Variants in CDK5RAP2 observed in about 807,000 individuals in gnomAD.
The protein encoded by CDK5RAP2 is CDK5 regulatory subunit associated protein 2.
CDK5RAP2 carries 147 observed loss-of-function variants against 232.9 expected under a neutral mutation model. That is an observed-to-expected ratio of 0.63 (90% CI 0.55 to 0.72). CDK5RAP2 has a LOEUF of 0.72. Among genes scored for constraint, CDK5RAP2 ranks in the 30% least tolerant of loss-of-function variants. CDK5RAP2 has a pLI of 0.00. For synonymous variants in CDK5RAP2, 833 were observed against 833.7 expected (o/e 1.00, Z 0.01); for missense variants, 2,195 against 2,231.5 (o/e 0.98, Z 0.33).
chr9:120,456,887 G>A (rs1322906238), intron 20 of CDK5RAP2, among the ~76,000 whole-genome samples: 2 of 152,196 alleles, frequency 1.3e-5, no homozygotes, highest in African/African-American at 2.4e-5. Flanking sequence ...AATACTTCAA[G>A]TGTTATTTTG....
chr9:120,457,790 G>T lies in CDK5RAP2; in HGVS notation c.2375+660C>A, dbSNP rs148735374. On this transcript the variant is annotated intron_variant, in intron 20 of 37. Transcript: ENST00000349780. ...CAAATGCCAGCCATTTTTCTTAAACGTTTTTTTCTTATTCATCACAGCAAC... is the reference window on the plus strand; with the variant it reads ...CAAATGCCAGCCATTTTTCTTAAACTTTTTTTTCTTATTCATCACAGCAAC... 2.5e-4 allele frequency among the ~76,000 whole-genome samples: 38 copies of T among 152,124 alleles called. No individual in the cohort carries two copies. In the East Asian group the frequency reaches 6.6e-3, roughly 26 times the overall value.
intron 36 of CDK5RAP2, among the ~76,000 whole-genome samples, chr9:120,391,787 G>C (rs936453156): frequency 2.6e-5 from 4 of 152,238 alleles, no homozygotes; most frequent in Non-Finnish European, 2.9e-5. Flanking sequence ...CGGAGGAAGA[G>C]GAGGTGCTAT....
In CDK5RAP2 at chr9:120,487,290, T is replaced by C. The variant is rs777782361; in HGVS notation, c.1626+4A>G. On this transcript the variant is annotated splice_donor_region_variant and intron_variant, in intron 14 of 37. Transcript: ENST00000349780. ...TGTGAATGTCCAATTTCAGTCAAGC[T>C]TACCTTAGAGAAGATGGTTTTGCTG... is the stretch of plus-strand genomic sequence containing the variant. 6.2e-7 allele frequency: 1 copy of C among 1,614,094 alleles called. No individual in the cohort carries two copies. The highest frequency in any genetic ancestry group is 1.7e-5 in the Admixed American group (1 of 60,032).
At chr9:120,483,253 C>T (rs2131594908) in intron 14 of CDK5RAP2, among the ~76,000 whole-genome samples, 1 of 152,356 alleles carries the variant, frequency 6.6e-6, no homozygotes. Context: ...TGAGAACTGT[C>T]CCTAAAACAC....
chr9:120,533,353 T>A (rs1588590307), intron 7 of CDK5RAP2, among the ~76,000 whole-genome samples: 1 of 152,068 alleles, frequency 6.6e-6, no homozygotes, highest in Non-Finnish European at 1.5e-5. Flanking sequence ...CATCCTAGAC[T>A]CTACTCACTG....
chr9:120,560,945 T>G (rs1429931929), intron 3 of CDK5RAP2, among the ~76,000 whole-genome samples: 1 of 151,798 alleles, frequency 6.6e-6, no homozygotes, highest in Non-Finnish European at 1.5e-5. Flanking sequence ...TAATGGTATG[T>G]GTATACACAC....
intron 36 of CDK5RAP2, among the ~76,000 whole-genome samples, chr9:120,390,887 A>G (rs2031892755): frequency 6.6e-6 from 1 of 152,052 alleles, no homozygotes; most frequent in Non-Finnish European, 1.5e-5. Context: ...GAGGTAATGG[A>G]GTTTATTTGC....
At chr9:120,431,152 A>T (rs1408564718) in intron 25 of CDK5RAP2, among the ~76,000 whole-genome samples, 1 of 152,156 alleles carries the variant, frequency 6.6e-6, no homozygotes, top group Non-Finnish European at 1.5e-5. Context: ...TAGGAGATAC[A>T]CCTAATGCTA....
chr9:120,475,436 A>G (rs2131553136), intron 15 of CDK5RAP2, among the ~76,000 whole-genome samples: 1 of 152,264 alleles, frequency 6.6e-6, no homozygotes, highest in African/African-American at 2.4e-5. Flanking sequence ...AGCTGAGAAG[A>G]CTCAGGAGCA....
chr9:120,509,180 T>A (rs1212790444), intron 12 of CDK5RAP2, among the ~76,000 whole-genome samples: 1 of 152,226 alleles, frequency 6.6e-6, no homozygotes, highest in East Asian at 1.9e-4. Context: ...GACAAGCACT[T>A]TCTTCAGAGG....
intron 12 of CDK5RAP2, among the ~76,000 whole-genome samples, chr9:120,513,032 T>C (rs1030940905): frequency 1.3e-4 from 20 of 152,180 alleles, no homozygotes; most frequent in African/African-American, 4.6e-4. Flanking sequence ...ATCCTACCTG[T>C]GGGATGCAGC....
intron 18 of CDK5RAP2, among the ~76,000 whole-genome samples, chr9:120,463,640 G>C (rs1438024433): frequency 6.6e-6 from 1 of 152,212 alleles, no homozygotes; most frequent in Non-Finnish European, 1.5e-5. Flanking sequence ...GCTGAGCAAA[G>C]AAAGTATTGT....
In CDK5RAP2 at chr9:120,394,496, C is replaced by T; in HGVS notation, c.5578+16G>A. On this transcript the variant is annotated intron_variant, in intron 36 of 37. Transcript: ENST00000349780. ...GGAAGTGGTCAGGCATAGCGGCCAC[C>T]CCCACACTCACTCACATTGATCAAA... 1 of 1,614,024 alleles carries T rather than the reference C, an allele frequency of 6.2e-7. No homozygotes were observed. Among genetic ancestry groups the T allele is most frequent in the Non-Finnish European group, 8.5e-7 (1 of 1,179,996 alleles).
rs781695383 is a variant in CDK5RAP2 at position 120,439,383 on chromosome 9, C to G, written c.3722+16G>C. On this transcript the variant is annotated intron_variant, in intron 24 of 37. Transcript: ENST00000349780. ...ACTACAGGCTTAAACGGGGAGACGG[C>G]AGAGGTGGAACGTACCTGGGAGGTG... 1 of 1,607,094 alleles carries G rather than the reference C, an allele frequency of 6.2e-7. No individual in the cohort carries two copies. Among genetic ancestry groups the G allele is most frequent in the South Asian group, 1.1e-5 (1 of 90,960 alleles).
At chr9:120,442,484 G>A (rs908604139) in intron 23 of CDK5RAP2, among the ~76,000 whole-genome samples, 1 of 152,166 alleles carries the variant, frequency 6.6e-6, no homozygotes, top group African/African-American at 2.4e-5. Flanking sequence ...ATTAAAAGGT[G>A]GAAGTTCAGG....
chr9:120,472,872 C>G (rs1259711331), intron 15 of CDK5RAP2, among the ~76,000 whole-genome samples: 3 of 152,212 alleles, frequency 2.0e-5, no homozygotes, highest in African/African-American at 7.2e-5. Flanking sequence ...GTCTATTGAG[C>G]ACTTGAAATG....
chr9:120,570,311 C>T (rs771145679), intron 2 of CDK5RAP2, among the ~76,000 whole-genome samples: 8 of 152,134 alleles, frequency 5.3e-5, no homozygotes, highest in African/African-American at 1.2e-4. Context: ...TTCAGGTCTC[C>T]GCTCCAATAT....
At chr9:120,486,287 T>G (rs2038596729) in intron 14 of CDK5RAP2, among the ~76,000 whole-genome samples, 1 of 152,060 alleles carries the variant, frequency 6.6e-6, no homozygotes, top group South Asian at 2.1e-4. Flanking sequence ...TGTTAATTAT[T>G]TTGAGAATCA....
At chr9:120,425,220 C>T (rs1445225663) in intron 25 of CDK5RAP2, among the ~76,000 whole-genome samples, 1 of 152,176 alleles carries the variant, frequency 6.6e-6, no homozygotes, top group African/African-American at 2.4e-5. Flanking sequence ...GAGCTTGCAA[C>T]AACTCAACAA....
Sources: gnomAD v4.1 joint callset for allele counts (sites outside exome capture counted in the v4.1 genomes callset) on GRCh38, gnomAD v4.1.1 for gene constraint, MANE v1.5 for transcripts, NCBI Gene and HGNC (gene_info 2026-07-23, HGNC 2026-07-21) for gene names.